The following DLG2 variants were observed in gnomAD, a reference collection of about 807,000 sequenced individuals.
DLG2 encodes disks large homolog 2.
DLG2 carries 45 observed loss-of-function variants against 132.5 expected under a neutral mutation model. That is an observed-to-expected ratio of 0.34 (90% CI 0.27 to 0.44). The LOEUF (loss-of-function observed/expected upper bound fraction) is 0.44, where lower values mean the gene tolerates loss of function less well. Ranked by LOEUF, DLG2 falls within the 20% of genes least tolerant of loss-of-function variation. The pLI is 1.00. For missense variants in DLG2, 1,045 were observed against 1,196.9 expected, an observed-to-expected ratio of 0.87 and a Z score of 1.87; for synonymous variants, 424 against 419.6, an observed-to-expected ratio of 1.01 and a Z score of -0.13.
At chr11:83,911,775 G>C (rs2076102620) in intron 15 of DLG2, among the ~76,000 whole-genome samples, 2 of 151,920 alleles carry the variant, frequency 1.3e-5, no homozygotes, top group Non-Finnish European at 2.9e-5. Context: ...AAATAGTGAG[G>C]GATTAATTTA....
At chr11:85,029,710 C>G (rs1262479257) in intron 6 of DLG2, among the ~76,000 whole-genome samples, 1 of 152,176 alleles carries the variant, frequency 6.6e-6, no homozygotes, top group Non-Finnish European at 1.5e-5. Flanking sequence ...ACAAGTGGAG[C>G]TGTAAACAGA....
At chr11:84,379,883 C>A (rs925544887) in intron 7 of DLG2, among the ~76,000 whole-genome samples, 2 of 151,702 alleles carry the variant, frequency 1.3e-5, no homozygotes, top group South Asian at 2.1e-4. Context: ...CATAAGAAAT[C>A]AAACCTAGAC....
chr11:84,161,635 C>T (rs756829174), intron 9 of DLG2, among the ~76,000 whole-genome samples: 3 of 152,064 alleles, frequency 2.0e-5, no homozygotes, highest in Admixed American at 6.6e-5. Context: ...TATTTTTTGA[C>T]CTCCAATACC....
intron 6 of DLG2, among the ~76,000 whole-genome samples, chr11:84,782,564 G>A (rs952467700): frequency 2.6e-5 from 4 of 151,940 alleles, no homozygotes; most frequent in African/African-American, 7.3e-5. Flanking sequence ...ATGAATCCCG[G>A]GTTAAGAAAT....
chr11:84,460,921 C>G (rs1193463794), intron 7 of DLG2, among the ~76,000 whole-genome samples: 6 of 150,600 alleles, frequency 4.0e-5, no homozygotes. Context: ...CTGAACTACC[C>G]TATAAGAGAC....
At chr11:84,553,522 C>T (rs1428235449) in intron 6 of DLG2, among the ~76,000 whole-genome samples, 4 of 152,150 alleles carry the variant, frequency 2.6e-5, no homozygotes, top group South Asian at 2.1e-4. Context: ...TAGCTTTGGC[C>T]GTATAAAGGA....
intron 14 of DLG2, among the ~76,000 whole-genome samples, chr11:83,954,581 A>G (rs561998111): frequency 6.6e-6 from 1 of 152,334 alleles, no homozygotes; most frequent in East Asian, 1.9e-4. Context: ...ACATTTGTTC[A>G]TGAACCTTTA....
At chr11:84,275,525 T>C (rs1350409152) in intron 7 of DLG2, among the ~76,000 whole-genome samples, 1 of 152,150 alleles carries the variant, frequency 6.6e-6, no homozygotes, top group African/African-American at 2.4e-5. Flanking sequence ...CAGCTAATTG[T>C]TTTGTATTTT....
At chr11:83,571,219 T>C (rs1409368388) in intron 19 of DLG2, among the ~76,000 whole-genome samples, 4 of 152,156 alleles carry the variant, frequency 2.6e-5, no homozygotes, top group Non-Finnish European at 4.4e-5. Context: ...TTTTTTCTTT[T>C]TGAAATACAT....
At chr11:83,605,825 C>CATG (rs2153391147) in intron 19 of DLG2, among the ~76,000 whole-genome samples, 1 of 152,356 alleles carries the variant, frequency 6.6e-6, no homozygotes, top group African/African-American at 2.4e-5. Context: ...GAACTTCATA[C>CATG]TTCTTCCATT....
chr11:85,535,696 G>C (rs2075534033), intron 3 of DLG2, among the ~76,000 whole-genome samples: 1 of 152,088 alleles, frequency 6.6e-6, no homozygotes, highest in Non-Finnish European at 1.5e-5. Context: ...GTTCATAGCA[G>C]CATTATTCAA....
chr11:83,501,423 A>AT (rs952007687), intron 21 of DLG2, among the ~76,000 whole-genome samples: 12 of 152,030 alleles, frequency 7.9e-5, no homozygotes, highest in Non-Finnish European at 1.6e-4. Context: ...AAGCCCACCA[A>AT]TGTCCACAGG....
chr11:84,706,770 A>G (rs1158514785), intron 6 of DLG2, among the ~76,000 whole-genome samples: 1 of 151,806 alleles, frequency 6.6e-6, no homozygotes, highest in African/African-American at 2.4e-5. Context: ...AAGTCTATTC[A>G]TTATCTCTTA....
chr11:84,696,067 G>A (rs1021654169), intron 6 of DLG2, among the ~76,000 whole-genome samples: 1 of 151,490 alleles, frequency 6.6e-6, no homozygotes, highest in African/African-American at 2.4e-5. Context: ...GTAAGATGGA[G>A]AGAAAACAAA....
intron 6 of DLG2, among the ~76,000 whole-genome samples, chr11:85,098,033 T>C (rs2070190996): frequency 6.6e-6 from 1 of 152,206 alleles, no homozygotes; most frequent in Non-Finnish European, 1.5e-5. Context: ...AATCAATGGA[T>C]AGGAAATCAA....
At chr11:85,607,402 T>C (rs116874058) in intron 2 of DLG2, among the ~76,000 whole-genome samples, 5,539 of 152,308 alleles carry the variant, frequency 0.036, 156 homozygotes, top group Admixed American at 0.053. Context: ...CCTGCAGCCA[T>C]GAGTGAAACT....
intron 3 of DLG2, among the ~76,000 whole-genome samples, chr11:85,466,660 T>C (rs901990653): frequency 5.3e-5 from 8 of 152,162 alleles, no homozygotes; most frequent in African/African-American, 1.7e-4. Flanking sequence ...TCCTGTTCCA[T>C]TGGTCTATAT....
chr11:83,733,519 G>C (rs2153703954), intron 18 of DLG2, among the ~76,000 whole-genome samples: 1 of 152,262 alleles, frequency 6.6e-6, no homozygotes, highest in Middle Eastern at 3.4e-3. Context: ...ATAGTGCTCA[G>C]GTGGCTGAAT....
intron 6 of DLG2, among the ~76,000 whole-genome samples, chr11:84,663,828 C>T (rs536077951): frequency 5.2e-4 from 79 of 152,228 alleles, no homozygotes; most frequent in African/African-American, 1.5e-3. Flanking sequence ...TGACACTGGA[C>T]GACGATCTTT....
Sources: allele counts gnomAD v4.1 joint callset (sites outside exome capture counted in the v4.1 genomes callset), GRCh38; gene constraint gnomAD v4.1.1; transcripts MANE v1.5; gene names NCBI Gene and HGNC (gene_info 2026-07-23, HGNC 2026-07-21).